FSTL5: variants seen among roughly 807,000 people sequenced by gnomAD.
FSTL5 encodes the protein follistatin-related protein 5.
A neutral mutation model predicts 89.1 loss-of-function variants in FSTL5; 62 were observed. That is an observed-to-expected ratio of 0.70 (90% CI 0.57 to 0.86). The LOEUF is 0.86. FSTL5 is among the 40% of genes least tolerant of loss of function. The pLI is 0.00. For synonymous variants in FSTL5, 383 were observed against 346.2 expected (o/e 1.11, Z -1.18); for missense variants, 1,057 against 1,001.6 (o/e 1.06, Z -0.75).
At chr4:161,916,240 T>C (rs1229053278) in intron 4 of FSTL5, among the ~76,000 whole-genome samples, 2 of 152,126 alleles carry the variant, frequency 1.3e-5, no homozygotes, top group African/African-American at 4.8e-5. Flanking sequence ...GCACAGTAAA[T>C]AGCAGAAGGG....
rs565860379 is a variant in FSTL5, at chr4:161,740,825, C to T, written c.727+18586G>A. Among the ~76,000 whole-genome samples the T allele has an allele frequency of 2.6e-5, 4 of 152,248 alleles. No individual in the cohort carries two copies. The South Asian group carries it at 6.2e-4, about 24-fold the overall frequency. On this transcript the variant is annotated intron_variant, in intron 6 of 15. Coordinates refer to ENST00000306100, the MANE Select transcript of FSTL5 (RefSeq NM_020116.5). The stretch of plus-strand genomic sequence containing the variant: ...TAACAACACACCATAAATGAGGAAG[C>T]TTATAAACAACAGAAATTTATTTCC...
chr4:162,139,225 C>T (rs993728143), intron 1 of FSTL5, among the ~76,000 whole-genome samples: 1 of 151,914 alleles, frequency 6.6e-6, no homozygotes. Flanking sequence ...TTTAATGCTC[C>T]CCTCCCTTCC....
chr4:161,634,139 T>C (rs1735603828), intron 7 of FSTL5, among the ~76,000 whole-genome samples: 1 of 152,238 alleles, frequency 6.6e-6, no homozygotes. Context: ...TGTTAGACCA[T>C]GCTCCAATAT....
chr4:161,948,026 C>T (rs904813090), intron 3 of FSTL5, among the ~76,000 whole-genome samples: 51 of 151,954 alleles, frequency 3.4e-4, no homozygotes, highest in African/African-American at 1.2e-3. Context: ...CCTGTAATCC[C>T]AGAGCTTTGG....
At chr4:161,821,222 G>A (rs1216306723) in intron 4 of FSTL5, among the ~76,000 whole-genome samples, 1 of 151,890 alleles carries the variant, frequency 6.6e-6, no homozygotes, top group Non-Finnish European at 1.5e-5. Flanking sequence ...ATTTTTTGTA[G>A]ACAAGGGGTT....
At chr4:161,826,252 T>C (rs562122471) in intron 4 of FSTL5, among the ~76,000 whole-genome samples, 154 of 152,262 alleles carry the variant, frequency 1.0e-3, no homozygotes, top group African/African-American at 3.4e-3. Context: ...AGTAATATAA[T>C]TTCAATTTTC....
intron 4 of FSTL5, among the ~76,000 whole-genome samples, chr4:161,777,607 G>A (rs1741459062): frequency 6.6e-6 from 1 of 151,058 alleles, no homozygotes; most frequent in Admixed American, 6.6e-5. Context: ...TCTTTTTTAG[G>A]GCCCCTGGTA....
intron 4 of FSTL5, among the ~76,000 whole-genome samples, chr4:161,856,737 T>C (rs1731734517): frequency 6.6e-6 from 1 of 151,902 alleles, no homozygotes; most frequent in Non-Finnish European, 1.5e-5. Context: ...TAAATACATA[T>C]AGTAATAAAC....
intron 13 of FSTL5, among the ~76,000 whole-genome samples, chr4:161,474,161 C>G (rs1419295589): frequency 6.6e-6 from 1 of 151,976 alleles, no homozygotes; most frequent in Non-Finnish European, 1.5e-5. Flanking sequence ...CACTTAATAT[C>G]CTAAAGTTAT....
chr4:162,026,047 G>GAA (rs1737269180), intron 3 of FSTL5, among the ~76,000 whole-genome samples: 1 of 146,520 alleles, frequency 6.8e-6, no homozygotes, highest in African/African-American at 2.5e-5. Flanking sequence ...GACAGACAAA[G>GAA]CAAAAAAAAA....
chr4:161,885,856 C>T (rs1391247839), intron 4 of FSTL5, among the ~76,000 whole-genome samples: 1 of 151,930 alleles, frequency 6.6e-6, no homozygotes, highest in Non-Finnish European at 1.5e-5. Flanking sequence ...TGGCAGAAAT[C>T]CTTAGATTTG....
In FSTL5 at chr4:162,046,201, G is replaced by A. The variant is rs186921919; in HGVS notation, c.127-12543C>T. ...TAAATAGGGGTTAACTATAAATAACGTAGATGTCTGACCTCTGAAGTTCAT... is the reference window on the plus strand; with the variant it reads ...TAAATAGGGGTTAACTATAAATAACATAGATGTCTGACCTCTGAAGTTCAT... On this transcript the variant is annotated intron_variant, in intron 2 of 15. Coordinates refer to ENST00000306100, the MANE Select transcript of FSTL5 (RefSeq NM_020116.5). 1.4e-3 allele frequency among the ~76,000 whole-genome samples: 214 copies of A among 152,204 alleles called. 3 individuals are homozygous for A. Among genetic ancestry groups the A allele is most frequent in the Admixed American group, 0.012 (177 of 15,268 alleles).
intron 6 of FSTL5, among the ~76,000 whole-genome samples, chr4:161,696,232 A>C (rs556763093): frequency 6.6e-6 from 1 of 152,036 alleles, no homozygotes; most frequent in Non-Finnish European, 1.5e-5. Context: ...TCCAGACTTT[A>C]TATTTTTGTT....
intron 7 of FSTL5, among the ~76,000 whole-genome samples, chr4:161,648,369 G>A (rs1175795368): frequency 6.6e-6 from 1 of 152,154 alleles, no homozygotes; most frequent in Non-Finnish European, 1.5e-5. Flanking sequence ...TGCTCCTGTA[G>A]AGGTTTGAGC....
At chr4:161,636,551 C>T (rs1336181110) in intron 7 of FSTL5, among the ~76,000 whole-genome samples, 12 of 146,866 alleles carry the variant, frequency 8.2e-5, no homozygotes, top group South Asian at 6.6e-4. Flanking sequence ...CATGCTGGTG[C>T]GCTGCACGCA....
At chr4:161,902,377 T>G (rs1322303889) in intron 4 of FSTL5, among the ~76,000 whole-genome samples, 1 of 152,182 alleles carries the variant, frequency 6.6e-6, no homozygotes, top group East Asian at 1.9e-4. Context: ...GTGTTTAGTT[T>G]TGTAAAATAC....
intron 4 of FSTL5, among the ~76,000 whole-genome samples, chr4:161,821,758 A>T (rs1321946397): frequency 2.0e-5 from 3 of 152,010 alleles, no homozygotes; most frequent in African/African-American, 7.2e-5. Flanking sequence ...CATTTTTTTC[A>T]TGGCTGCATG....
At chr4:161,462,229 G>A (rs1733607202) in intron 13 of FSTL5, among the ~76,000 whole-genome samples, 1 of 152,186 alleles carries the variant, frequency 6.6e-6, no homozygotes, top group South Asian at 2.1e-4. Context: ...CCTTTCCAAT[G>A]TGGGAACCTC....
chr4:161,736,687 G>A (rs1739827749), intron 6 of FSTL5, among the ~76,000 whole-genome samples: 1 of 152,122 alleles, frequency 6.6e-6, no homozygotes, highest in African/African-American at 2.4e-5. Flanking sequence ...AGAGCCAGGT[G>A]AGGGGGCTGC....
Sources: gnomAD v4.1 joint callset for allele counts (sites outside exome capture counted in the v4.1 genomes callset) on GRCh38, gnomAD v4.1.1 for gene constraint, MANE v1.5 for transcripts, NCBI Gene and HGNC (gene_info 2026-07-23, HGNC 2026-07-21) for gene names.